DLG2: variants seen among roughly 807,000 people sequenced by gnomAD.
DLG2 encodes disks large homolog 2.
In DLG2, 45 loss-of-function variants were observed where a neutral mutation model predicts 132.5. The ratio of observed to expected loss-of-function variants is 0.34; its 90% CI spans 0.27 to 0.44. The LOEUF is 0.44. Ranked by LOEUF, DLG2 falls within the 20% of genes least tolerant of loss-of-function variation. The probability of loss-of-function intolerance (pLI) is 1.00; values close to 1 mark genes in which losing one functional copy is unlikely to be tolerated. For missense variants in DLG2, 1,045 were observed against 1,196.9 expected, an observed-to-expected ratio of 0.87 and a Z score of 1.87; for synonymous variants, 424 against 419.6, an observed-to-expected ratio of 1.01 and a Z score of -0.13.
chr11:84,233,646 G>A (rs1244585395), intron 8 of DLG2, among the ~76,000 whole-genome samples: 1 of 152,138 alleles, frequency 6.6e-6, no homozygotes, highest in Non-Finnish European at 1.5e-5. Context: ...GGCACACCTG[G>A]TCTAACCAGT....
intron 4 of DLG2, among the ~76,000 whole-genome samples, chr11:85,266,286 T>G (rs1166830054): frequency 6.6e-6 from 1 of 152,236 alleles, no homozygotes; most frequent in African/African-American, 2.4e-5. Context: ...TGGATCATGG[T>G]GGGCCTAAGT....
At chr11:84,928,978 GTGTGTATATATA>G (rs1342088501) in intron 6 of DLG2, among the ~76,000 whole-genome samples, 25 of 29,850 alleles carry the variant, frequency 8.4e-4, no homozygotes, top group Admixed American at 2.3e-3. Context: ...GTGTGTGTGT[GTGTGTATATATA>G]TATATATATA....
intron 3 of DLG2, among the ~76,000 whole-genome samples, chr11:85,301,492 G>A (rs924992340): frequency 7.2e-5 from 11 of 152,258 alleles, no homozygotes; most frequent in East Asian, 5.8e-4. Flanking sequence ...GAAGCAAAGC[G>A]TTGAATGGAC....
chr11:83,512,787 G>GT (rs554852576), intron 21 of DLG2, among the ~76,000 whole-genome samples: 8 of 151,936 alleles, frequency 5.3e-5, no homozygotes, highest in Non-Finnish European at 7.4e-5. Context: ...GAGCTGTTTG[G>GT]TTTTTTGTCC....
chr11:85,271,872 C>T (rs2152736433), intron 4 of DLG2, among the ~76,000 whole-genome samples: 1 of 152,264 alleles, frequency 6.6e-6, no homozygotes, highest in African/African-American at 2.4e-5. Context: ...AGGGACTTGC[C>T]TTGTCTCAGA....
intron 5 of DLG2, among the ~76,000 whole-genome samples, chr11:85,123,332 A>G (rs1247583498): frequency 2.6e-5 from 4 of 151,916 alleles, no homozygotes; most frequent in Non-Finnish European, 4.4e-5. Context: ...AATGTATAGG[A>G]GTGGAAAGAT....
intron 8 of DLG2, among the ~76,000 whole-genome samples, chr11:84,216,827 T>C (rs2154318564): frequency 6.6e-6 from 1 of 152,326 alleles, no homozygotes; most frequent in Non-Finnish European, 1.5e-5. Flanking sequence ...AGGAATTTCC[T>C]GATTTCCCTA....
intron 19 of DLG2, among the ~76,000 whole-genome samples, chr11:83,628,518 G>T (rs2063009380): frequency 6.6e-6 from 1 of 152,112 alleles, no homozygotes; most frequent in African/African-American, 2.4e-5. Context: ...CCGAGTTTCA[G>T]TTTCTTCATC....
chr11:84,564,302 C>A (rs181782381), intron 6 of DLG2, among the ~76,000 whole-genome samples: 1 of 152,182 alleles, frequency 6.6e-6, no homozygotes, highest in Non-Finnish European at 1.5e-5. Context: ...GAGCAAGAAG[C>A]TGTCTAAAGT....
At chr11:83,506,142 C>T (rs1363871867) in intron 21 of DLG2, among the ~76,000 whole-genome samples, 1 of 152,192 alleles carries the variant, frequency 6.6e-6, no homozygotes, top group African/African-American at 2.4e-5. Context: ...AACTGGATGA[C>T]CCGTAGTCAA....
chr11:84,490,329 G>T (rs1454494756), intron 7 of DLG2, among the ~76,000 whole-genome samples: 2 of 152,110 alleles, frequency 1.3e-5, no homozygotes, highest in Non-Finnish European at 2.9e-5. Context: ...GCTTTTACAA[G>T]TTCCTTTAAA....
chr11:85,281,285 C>T (rs2078206532), intron 4 of DLG2, among the ~76,000 whole-genome samples: 1 of 151,970 alleles, frequency 6.6e-6, no homozygotes, highest in South Asian at 2.1e-4. Context: ...AACTTACATG[C>T]TATTAAAATC....
At chr11:85,465,232 T>A (rs554310193) in intron 3 of DLG2, among the ~76,000 whole-genome samples, 16 of 149,610 alleles carry the variant, frequency 1.1e-4, no homozygotes, top group Admixed American at 2.7e-4. Context: ...AAACTCAAAC[T>A]CCTGGGCTCA....
At chr11:84,357,024 G>C (rs910849835) in intron 7 of DLG2, among the ~76,000 whole-genome samples, 1 of 152,030 alleles carries the variant, frequency 6.6e-6, no homozygotes. Flanking sequence ...AGTGAGCAAA[G>C]AATGTAGGTG....
Position 83,580,772 on chromosome 11 carries a change from CAGG to C in DLG2, c.1941-38917_1941-38915del, listed in dbSNP as rs1390560599. On this transcript the variant is annotated intron_variant, in intron 19 of 27. Coordinates refer to ENST00000376104, the MANE Select transcript of DLG2 (RefSeq NM_001142699.3). Reference sequence around the variant, plus strand: ...CTGTGGGAGAGCACTTAATACAGGCCAGGAGAAGCAAAAACTGGCCCTCCCTCC... The same window carrying C: ...CTGTGGGAGAGCACTTAATACAGGCCAGAAGCAAAAACTGGCCCTCCCTCC... Among the ~76,000 whole-genome samples, 6 of 151,300 alleles carry C rather than the reference CAGG, an allele frequency of 4.0e-5. 1 individual carries two copies. Among genetic ancestry groups the C allele is most frequent in the Admixed American group, 2.0e-4 (3 of 15,188 alleles).
chr11:83,750,502 G>A (rs1011679627), intron 18 of DLG2, among the ~76,000 whole-genome samples: 2 of 152,166 alleles, frequency 1.3e-5, no homozygotes, highest in Non-Finnish European at 2.9e-5. Context: ...ACTCTGAGGT[G>A]CCATAGAAGC....
At position 85,050,118 on chromosome 11, in the gene DLG2, TCACACACACACA is replaced by T. The variant is rs33991615; in HGVS notation, c.357+61531_357+61542del. Among the ~76,000 whole-genome samples, 28 of 136,822 alleles carry T rather than the reference TCACACACACACA, an allele frequency of 2.0e-4. 1 individual carries two copies. The highest frequency in any genetic ancestry group is 1.3e-3 in the Admixed American group (18 of 13,534). The allele number at this position is 136,822 out of a possible 152,430, so 89.8% of individuals were successfully genotyped here. Reference sequence around the variant, plus strand: ...GGAAGAGAACTGACCCACTGTGTCATCACACACACACACACACACACACACACACACACACAC... The same window carrying T: ...GGAAGAGAACTGACCCACTGTGTCATCACACACACACACACACACACACAC... On this transcript the variant is annotated intron_variant, in intron 6 of 27. Transcript: ENST00000376104.
intron 18 of DLG2, among the ~76,000 whole-genome samples, chr11:83,765,666 A>G (rs2094112052): frequency 6.6e-6 from 1 of 152,234 alleles, no homozygotes; most frequent in Admixed American, 6.5e-5. Flanking sequence ...ACAGACAAAC[A>G]TGGTAGCCAA....
At chr11:85,385,837 C>A (rs917558269) in intron 3 of DLG2, among the ~76,000 whole-genome samples, 2 of 152,114 alleles carry the variant, frequency 1.3e-5, no homozygotes, top group African/African-American at 2.4e-5. Context: ...ATCTTAAGAA[C>A]TAATAAATTG....
Sources: gnomAD v4.1 joint callset for allele counts (sites outside exome capture counted in the v4.1 genomes callset) on GRCh38, gnomAD v4.1.1 for gene constraint, MANE v1.5 for transcripts, NCBI Gene and HGNC (gene_info 2026-07-23, HGNC 2026-07-21) for gene names.